Variants in LRRC41 observed in about 807,000 individuals in gnomAD.
LRRC41 encodes the protein leucine-rich repeat-containing protein 41.
LRRC41 carries 17 observed loss-of-function variants against 72.1 expected under a neutral mutation model. The observed-to-expected ratio is 0.24, with a 90% CI of 0.16 to 0.35. The LOEUF (loss-of-function observed/expected upper bound fraction) is 0.35, where lower values mean the gene tolerates loss of function less well. Among genes scored for constraint, LRRC41 ranks in the 10% least tolerant of loss-of-function variants. The pLI, the probability that LRRC41 is intolerant of heterozygous loss-of-function variation, is 1.00. For synonymous variants in LRRC41, 427 were observed against 431.0 expected (o/e 0.99, Z 0.11); for missense variants, 759 against 1,065.0 (o/e 0.71, Z 4.00).
In LRRC41 at chr1:46,277,780, C is replaced by G; in HGVS notation, c.*1085G>C. On this transcript the variant is annotated 3_prime_UTR_variant, in exon 10 of 10. Coordinates refer to ENST00000617190, the MANE Select transcript of LRRC41 (RefSeq NM_006369.5). ...CCCTTTTTATGAGGATGGCTAAGCGCTGTATCTTTTGACATTCCCCACCTC... is the reference window on the plus strand; with the variant it reads ...CCCTTTTTATGAGGATGGCTAAGCGGTGTATCTTTTGACATTCCCCACCTC... 6.4e-7 allele frequency: 1 copy of G among 1,566,824 alleles called. No individual in the cohort carries two copies. The highest frequency in any genetic ancestry group is 1.1e-5 in the South Asian group (1 of 90,078).
In LRRC41 at chr1:46,286,434, A is replaced by T. The variant is rs1201432357; in HGVS notation, c.423T>A (p.Ile141=). Residue 141 remains isoleucine, a synonymous_variant, in exon 4 of 10, where the codon ATT becomes ATA. Transcript: ENST00000617190. This position sits in a 1 kb window ranked among gnomAD's most constrained non-coding sequence, Gnocchi z 5.5. Reference sequence around the variant, plus strand: ...AAAGACGCCTGTCAGAAGACACATCAATGGTCCCACGTAGAACATGGGAAA... The same window carrying T: ...AAAGACGCCTGTCAGAAGACACATCTATGGTCCCACGTAGAACATGGGAAA... ...AFFSHVLRGT[I]DVSSDRRLCD... The T allele has an allele frequency of 1.9e-6, 3 of 1,614,154 alleles. No homozygotes were observed. Among genetic ancestry groups the T allele is most frequent in the Non-Finnish European group, 2.5e-6 (3 of 1,179,998 alleles).
intron 3 of LRRC41, 115 bp downstream of exon 3, chr1:46,297,448 A>G: frequency 1.2e-6 from 1 of 810,892 alleles, no homozygotes; most frequent in Non-Finnish European, 2.0e-6. Context: ...CCCTCCTCCC[A>G]AATCCATTCC....
chr1:46,299,342 G>A (rs1444002338), intron 1 of LRRC41: 2 of 152,450 alleles, frequency 1.3e-5, no homozygotes, highest in African/African-American at 4.8e-5. Flanking sequence ...TTAAGCCCAG[G>A]AGTTCGAGGC....
At chr1:46,283,956 G>A (rs1056053433) in intron 4 of LRRC41, among the ~76,000 whole-genome samples, 6 of 152,152 alleles carry the variant, frequency 3.9e-5, no homozygotes, top group South Asian at 4.2e-4. Flanking sequence ...GAGCCACTGC[G>A]CCCGGCCAAG....
At chr1:46,293,981 T>A (rs576245616) in intron 3 of LRRC41, among the ~76,000 whole-genome samples, 2 of 152,188 alleles carry the variant, frequency 1.3e-5, no homozygotes, top group East Asian at 3.9e-4. Flanking sequence ...CAGGCTGGTC[T>A]CAACTCCTGA....
intron 4 of LRRC41, among the ~76,000 whole-genome samples, chr1:46,282,923 C>G (rs1395962054): frequency 6.6e-6 from 1 of 151,556 alleles, no homozygotes; most frequent in Non-Finnish European, 1.5e-5. Flanking sequence ...ATCCCAGCTA[C>G]TGAGTCAGTA....
At position 46,277,985 on chromosome 1, in the gene LRRC41, G is replaced by A. The variant is rs2148308238; in HGVS notation, c.*880C>T. On this transcript the variant is annotated 3_prime_UTR_variant, in exon 10 of 10. Transcript: ENST00000617190. Reference sequence around the variant, plus strand: ...CCTCAGTGACACACATGACAGGTGGGGAAGTGCCCTAACCATTATCTCTAA... The same window carrying A: ...CCTCAGTGACACACATGACAGGTGGAGAAGTGCCCTAACCATTATCTCTAA... 1 of 1,614,148 alleles carries A rather than the reference G, an allele frequency of 6.2e-7. No individual in the cohort carries two copies.
At position 46,285,045 on chromosome 1, in the gene LRRC41, G is replaced by T. The variant is rs1660856285; in HGVS notation, c.1495+317C>A. On this transcript the variant is annotated intron_variant, in intron 4 of 9. Transcript: ENST00000617190. The surrounding 1 kb of genome is among the most constrained non-coding windows in gnomAD (Gnocchi z 5.3). Reference sequence around the variant, plus strand: ...GTGAGGTCAAACTCTAGCCCTGCCTGAGCATGCATATACTATACTGCTCCC... The same window carrying T: ...GTGAGGTCAAACTCTAGCCCTGCCTTAGCATGCATATACTATACTGCTCCC... 1 of 332,488 alleles carries T rather than the reference G, an allele frequency of 3.0e-6. No individual in the cohort carries two copies. The highest frequency in any genetic ancestry group is 4.2e-5 in the South Asian group (1 of 23,808). 20.6% of individuals were successfully genotyped at this position (332,488 alleles called of 1,614,324 possible).
In LRRC41 at chr1:46,303,332, G is replaced by T; in HGVS notation, c.-10C>A. On this transcript the variant is annotated 5_prime_UTR_variant, in exon 1 of 10. Coordinates refer to ENST00000617190, the MANE Select transcript of LRRC41 (RefSeq NM_006369.5). ...CCTCGGGCGCCGCCATCTTGGGGAG[G>T]TGCGCGAGCCCGAGAGTGTCGCCCG... The T allele has an allele frequency of 6.6e-7, 1 of 1,508,738 alleles. No homozygotes were observed. The highest frequency in any genetic ancestry group is 8.8e-7 in the Non-Finnish European group (1 of 1,132,454). The allele number at this position is 1,508,738 out of a possible 1,614,324, so 93.5% of individuals were successfully genotyped here.
Position 46,285,846 on chromosome 1 carries a change from G to T in LRRC41, c.1011C>A (p.Asp337Glu), listed in dbSNP as rs1315236270. ...CTGGGGGGTGCAGCTCCCTCTTAAG[G>T]TCTGTTCCGCCTGCTGTCAGGCTCT... ...TQESLTAGGT[D>E]LKRELHPPAT... Residue 337 changes from aspartate to glutamate, a missense_variant, in exon 4 of 10, where the codon GAC becomes GAA. This residue lies in a region of LRRC41 where 427 missense variants were observed against 520.9 expected (regional missense o/e 0.82). Transcript: ENST00000617190. This position sits in a 1 kb window ranked among gnomAD's most constrained non-coding sequence, Gnocchi z 5.3. 1 of 1,591,018 alleles carries T rather than the reference G, an allele frequency of 6.3e-7. No homozygotes were observed. Among genetic ancestry groups the T allele is most frequent in the Non-Finnish European group, 8.5e-7 (1 of 1,169,986 alleles).
intron 3 of LRRC41, among the ~76,000 whole-genome samples, chr1:46,291,210 C>T (rs1194819313): frequency 6.6e-6 from 1 of 152,180 alleles, no homozygotes; most frequent in Non-Finnish European, 1.5e-5. Context: ...AGGTATGAGC[C>T]ACAGTGCCTG....
At chr1:46,301,705 C>T (rs1661228120) in intron 1 of LRRC41, among the ~76,000 whole-genome samples, 2 of 152,054 alleles carry the variant, frequency 1.3e-5, no homozygotes, top group African/African-American at 4.8e-5. Flanking sequence ...AACCTCGAGT[C>T]CTCAAAGTCC....
rs892023887 is a variant in LRRC41, at chr1:46,291,159, A to G, written c.358-4660T>C. Among the ~76,000 whole-genome samples, 36 of 151,410 alleles carry G rather than the reference A, an allele frequency of 2.4e-4. 1 individual carries two copies. The highest frequency in any genetic ancestry group is 3.4e-3 in the Middle Eastern group (1 of 290). On this transcript the variant is annotated intron_variant, in intron 3 of 9. Transcript: ENST00000617190. Reference sequence around the variant, plus strand: ...AGGCTGGTCTTGAACTCCTGACCTCAAGTGATCCGCCGCCTTGGCCTCCCA... The same window carrying G: ...AGGCTGGTCTTGAACTCCTGACCTCGAGTGATCCGCCGCCTTGGCCTCCCA...
rs749299219 is a variant in LRRC41 at position 46,286,114 on chromosome 1, G to C, written c.743C>G (p.Thr248Ser). The C allele has an allele frequency of 1.9e-6, 3 of 1,614,206 alleles. No homozygotes were observed. In the African/African-American group the frequency reaches 4.0e-5, roughly 21 times the overall value. ...PESALFILIL[T>S]MSAGFWQPGP... ...TGGTTGCCAGAAGCCAGCACTCATGGTGAGAATAAGGATGAAAAGGGCTGA... is the reference window on the plus strand; with the variant it reads ...TGGTTGCCAGAAGCCAGCACTCATGCTGAGAATAAGGATGAAAAGGGCTGA... Residue 248 changes from threonine (T) to serine (S), a missense_variant, in exon 4 of 10, where the codon ACC becomes AGC. Physicochemically the swap from Thr to Ser is moderately conservative, Grantham distance 58 (BLOSUM62 1). Transcript: ENST00000617190. The surrounding 1 kb of genome is among the most constrained non-coding windows in gnomAD (Gnocchi z 5.5).
chr1:46,277,779 G>A lies in LRRC41; in HGVS notation c.*1086C>T, dbSNP rs376299741. 500 of 1,563,134 alleles carry A rather than the reference G, an allele frequency of 3.2e-4. No homozygotes were observed. Among genetic ancestry groups the A allele is most frequent in the Non-Finnish European group, 3.6e-4 (405 of 1,135,468 alleles). ...TCCCTTTTTATGAGGATGGCTAAGC[G>A]CTGTATCTTTTGACATTCCCCACCT... is the stretch of plus-strand genomic sequence containing the variant. On this transcript the variant is annotated 3_prime_UTR_variant, in exon 10 of 10. Coordinates refer to ENST00000617190, the MANE Select transcript of LRRC41 (RefSeq NM_006369.5).
Position 46,303,497 on chromosome 1 carries a change from C to A in LRRC41, c.-175G>T, listed in dbSNP as rs372470887. ...TAGGAGCTACTATTTTAGATAAACT[C>A]CTAGATCAATTATACTTGGGTGTGG... On this transcript the variant is annotated 5_prime_UTR_variant, in exon 1 of 10. Coordinates refer to ENST00000617190, the MANE Select transcript of LRRC41 (RefSeq NM_006369.5). 1.3e-6 allele frequency: 1 copy of A among 755,322 alleles called. No individual in the cohort carries two copies. Among genetic ancestry groups the A allele is most frequent in the African/African-American group, 1.8e-5 (1 of 56,550 alleles). The allele number at this position is 755,322 out of a possible 1,614,324, so 46.8% of individuals were successfully genotyped here.
At chr1:46,282,225 C>T (rs181120573) in intron 4 of LRRC41, among the ~76,000 whole-genome samples, 5 of 152,222 alleles carry the variant, frequency 3.3e-5, no homozygotes, top group East Asian at 3.9e-4. Context: ...TTAACCTAGA[C>T]GCAATAGGGA....
rs925686982 is a variant in LRRC41, at chr1:46,302,020, C to T, written c.199+1104G>A. On this transcript the variant is annotated intron_variant, in intron 1 of 9. Coordinates refer to ENST00000617190, the MANE Select transcript of LRRC41 (RefSeq NM_006369.5). The surrounding 1 kb of genome is among the most constrained non-coding windows in gnomAD (Gnocchi z 4.7). ...CTTGCCCCACGTCGGACCCAAGTTT[C>T]CCTCGTCAGCGGCCAGGCCGCGGCC... 3.0e-5 allele frequency: 30 copies of T among 985,298 alleles called. No individual in the cohort carries two copies. Among genetic ancestry groups the T allele is most frequent in the Non-Finnish European group, 3.5e-5 (29 of 829,922 alleles). The allele number at this position is 985,298 out of a possible 1,614,324, so 61.0% of individuals were successfully genotyped here. A position where few individuals can be genotyped will look rare whatever the true frequency, so the allele number is the denominator to read the frequency against.
intron 3 of LRRC41, among the ~76,000 whole-genome samples, chr1:46,294,638 A>G (rs1569659787): frequency 8.1e-6 from 1 of 122,956 alleles, no homozygotes; most frequent in Non-Finnish European, 1.6e-5. Context: ...TCTGTTGCCC[A>G]GGCTGGAGTG....
Sources: gnomAD v4.1 joint callset for allele counts (sites outside exome capture counted in the v4.1 genomes callset) on GRCh38, gnomAD v4.1.1 for gene constraint, gnomAD v4.1.1 regional missense constraint, Gnocchi (gnomAD v3.1) non-coding constraint, MANE v1.5 for transcripts, NCBI Gene and HGNC (gene_info 2026-07-23, HGNC 2026-07-21) for gene names.